Variants in MYO9A observed in about 807,000 individuals in gnomAD.
MYO9A encodes the protein unconventional myosin-IXa.
A neutral mutation model predicts 293.3 loss-of-function variants in MYO9A; 103 were observed. The ratio of observed to expected loss-of-function variants is 0.35; its 90% CI spans 0.30 to 0.41. The LOEUF (loss-of-function observed/expected upper bound fraction) is 0.41. MYO9A is among the 10% of genes least tolerant of loss of function. The probability of loss-of-function intolerance (pLI) is 1.00; values close to 1 mark genes in which losing one functional copy is unlikely to be tolerated. For missense variants in MYO9A, 2,685 were observed against 3,033.0 expected (o/e 0.89, Z 2.69); for synonymous variants, 1,001 against 1,035.7 (o/e 0.97, Z 0.64).
intron 18 of MYO9A, among the ~76,000 whole-genome samples, chr15:71,919,931 C>G (rs1277459028): frequency 6.6e-6 from 1 of 151,390 alleles, no homozygotes; most frequent in African/African-American, 2.4e-5. Context: ...TCCCATATAC[C>G]TAACAATAAC....
rs1392730305 is a variant in MYO9A at position 71,863,823 on chromosome 15, C to G, written c.5980-1212G>C. 2.0e-5 allele frequency among the ~76,000 whole-genome samples: 3 copies of G among 152,182 alleles called. No homozygotes were observed. The East Asian group carries it at 5.8e-4, about 29-fold the overall frequency. On this transcript the variant is annotated intron_variant, in intron 32 of 41. Coordinates refer to ENST00000356056, the MANE Select transcript of MYO9A (RefSeq NM_006901.4). ...CTCATCATCCATCCCCCTCACACCCCCTCACTCTTCCGAGTCAGTGGAGTA... is the reference window on the plus strand; with the variant it reads ...CTCATCATCCATCCCCCTCACACCCGCTCACTCTTCCGAGTCAGTGGAGTA...
chr15:72,002,333 C>T (rs1033103396), intron 8 of MYO9A, among the ~76,000 whole-genome samples: 2 of 151,740 alleles, frequency 1.3e-5, no homozygotes, highest in Non-Finnish European at 1.5e-5. Context: ...CCGCAACCTC[C>T]GCCTCCCAGG....
intron 1 of MYO9A, among the ~76,000 whole-genome samples, chr15:72,051,858 C>T (rs1199620640): frequency 6.6e-6 from 1 of 152,148 alleles, no homozygotes; most frequent in Non-Finnish European, 1.5e-5. Context: ...GGCAGGCAGG[C>T]TCCTGGGCAA....
intron 8 of MYO9A, among the ~76,000 whole-genome samples, chr15:72,001,430 T>C (rs2076861091): frequency 6.6e-6 from 1 of 151,358 alleles, no homozygotes; most frequent in Non-Finnish European, 1.5e-5. Context: ...GGTGCACACC[T>C]GTAATCACAG....
intron 1 of MYO9A, among the ~76,000 whole-genome samples, chr15:72,049,614 C>G (rs910405048): frequency 1.3e-5 from 2 of 152,226 alleles, no homozygotes; most frequent in Admixed American, 1.3e-4. Flanking sequence ...GTAAGCATTA[C>G]TGCCTGGGCT....
At chr15:72,023,857 A>T (rs1294194174) in intron 4 of MYO9A, among the ~76,000 whole-genome samples, 1 of 152,206 alleles carries the variant, frequency 6.6e-6, no homozygotes, top group Non-Finnish European at 1.5e-5. Flanking sequence ...AAATTCAATG[A>T]ACTCTAGAGA....
intron 1 of MYO9A, among the ~76,000 whole-genome samples, chr15:72,081,933 T>G (rs1465365145): frequency 6.6e-6 from 1 of 152,146 alleles, no homozygotes; most frequent in Non-Finnish European, 1.5e-5. Context: ...TTGTTTCCGG[T>G]AGCCCTTTGT....
intron 16 of MYO9A, among the ~76,000 whole-genome samples, chr15:71,935,804 T>C (rs1413206597): frequency 6.6e-6 from 1 of 152,052 alleles, no homozygotes; most frequent in Admixed American, 6.6e-5. Flanking sequence ...TCCCTCTTTG[T>C]TAGATTTTAG....
intron 32 of MYO9A, among the ~76,000 whole-genome samples, chr15:71,864,436 G>A (rs187195141): frequency 3.7e-4 from 57 of 152,298 alleles, no homozygotes; most frequent in Non-Finnish European, 4.0e-4. Flanking sequence ...TCTGAAAACT[G>A]GAAGCATAGA....
intron 2 of MYO9A, 88 bp downstream of exon 2, chr15:72,045,636 T>C: frequency 7.3e-7 from 1 of 1,370,530 alleles, no homozygotes; most frequent in Non-Finnish European, 9.7e-7. Flanking sequence ...CGACCTGGTA[T>C]TGCAGTACCT....
intron 32 of MYO9A, among the ~76,000 whole-genome samples, chr15:71,865,736 C>T (rs1344420291): frequency 2.6e-5 from 4 of 152,110 alleles, no homozygotes; most frequent in African/African-American, 9.7e-5. Flanking sequence ...GTAATGATTG[C>T]TTAACATAGT....
At chr15:72,057,240 G>C (rs532431715) in intron 1 of MYO9A, among the ~76,000 whole-genome samples, 40 of 152,248 alleles carry the variant, frequency 2.6e-4, no homozygotes, top group Admixed American at 1.3e-3. Flanking sequence ...CTGAACTCCA[G>C]CCTTGACGAG....
chr15:71,906,921 C>A (rs1236393310), intron 19 of MYO9A, among the ~76,000 whole-genome samples: 1 of 150,004 alleles, frequency 6.7e-6, no homozygotes, highest in Non-Finnish European at 1.5e-5. Context: ...CACCACCACA[C>A]CCGGCTAATT....
At chr15:71,831,156 C>G (rs1042901531) in intron 39 of MYO9A, among the ~76,000 whole-genome samples, 4 of 152,148 alleles carry the variant, frequency 2.6e-5, no homozygotes, top group African/African-American at 9.7e-5. Flanking sequence ...GCATTTAGTG[C>G]TGATCTAAAT....
chr15:71,919,841 CA>C (rs373980359), intron 18 of MYO9A, among the ~76,000 whole-genome samples: 1,685 of 82,418 alleles, frequency 0.02, 34 homozygotes, highest in Admixed American at 0.067. Flanking sequence ...GACTCCATCT[CA>C]AAAAAAAAAA....
At chr15:72,088,832 T>A (rs1349927292) in intron 1 of MYO9A, among the ~76,000 whole-genome samples, 3 of 152,236 alleles carry the variant, frequency 2.0e-5, no homozygotes, top group Admixed American at 2.0e-4. Context: ...CTTCAAATAC[T>A]ATCTAAATAC....
intron 1 of MYO9A, among the ~76,000 whole-genome samples, chr15:72,079,242 T>G (rs866620155): frequency 5.9e-5 from 9 of 152,288 alleles, no homozygotes; most frequent in Middle Eastern, 6.8e-3. Flanking sequence ...GGAAACTCCG[T>G]ATTTTCTGCT....
chr15:72,044,119 C>T (rs975406549), intron 2 of MYO9A, among the ~76,000 whole-genome samples: 7 of 151,298 alleles, frequency 4.6e-5, no homozygotes, highest in African/African-American at 7.3e-5. Flanking sequence ...GAAATGTTCA[C>T]GTATAGGCTG....
At chr15:72,054,188 C>T (rs1261579081) in intron 1 of MYO9A, among the ~76,000 whole-genome samples, 1 of 152,156 alleles carries the variant, frequency 6.6e-6, no homozygotes, top group Non-Finnish European at 1.5e-5. Context: ...TTGAATTAAA[C>T]ATCTCTTAAG....
Sources: gnomAD v4.1 joint callset for allele counts (sites outside exome capture counted in the v4.1 genomes callset) on GRCh38, gnomAD v4.1.1 for gene constraint, MANE v1.5 for transcripts, NCBI Gene and HGNC (gene_info 2026-07-23, HGNC 2026-07-21) for gene names.